CREBBP: variants seen among roughly 807,000 people sequenced by gnomAD.
The protein encoded by CREBBP is CREB binding lysine acetyltransferase.
A neutral mutation model predicts 265.0 loss-of-function variants in CREBBP; 19 were observed. The observed-to-expected ratio is 0.07, with a 90% CI of 0.05 to 0.11. The LOEUF (loss-of-function observed/expected upper bound fraction) is 0.11, where lower values mean the gene tolerates loss of function less well. Among genes scored for constraint, CREBBP ranks in the 10% least tolerant of loss-of-function variants. The pLI is 1.00. For missense variants in CREBBP, 2,525 were observed against 3,219.0 expected (o/e 0.78, Z 5.22); for synonymous variants, 1,457 against 1,223.7 (o/e 1.19, Z -3.98).
At chr16:3,860,770 G>A (rs1469954413) in intron 1 of CREBBP, among the ~76,000 whole-genome samples, 4 of 151,950 alleles carry the variant, frequency 2.6e-5, no homozygotes. Flanking sequence ...GAGAGTGGTG[G>A]AAGGATTCAC....
At chr16:3,803,354 A>T (rs1863359552) in intron 3 of CREBBP, among the ~76,000 whole-genome samples, 1 of 147,420 alleles carries the variant, frequency 6.8e-6, no homozygotes, top group Non-Finnish European at 1.5e-5. Context: ...AAAATACAAA[A>T]ATTAGCCAGG....
chr16:3,851,860 CA>C (rs1159688899), intron 1 of CREBBP, among the ~76,000 whole-genome samples: 537 of 28,962 alleles, frequency 0.019, 1 homozygote, highest in Non-Finnish European at 0.029. Flanking sequence ...GACTCCGTCT[CA>C]AAAAAAAAAA....
At chr16:3,859,736 T>C (rs1471050227) in intron 1 of CREBBP, among the ~76,000 whole-genome samples, 7 of 152,276 alleles carry the variant, frequency 4.6e-5, no homozygotes, top group Non-Finnish European at 7.4e-5. Flanking sequence ...AGTACAGGGT[T>C]CAGAGAGCTT....
intron 2 of CREBBP, among the ~76,000 whole-genome samples, chr16:3,831,941 G>C (rs1324579089): frequency 6.6e-6 from 1 of 151,868 alleles, no homozygotes; most frequent in African/African-American, 2.4e-5. Context: ...AGGCTGCAGT[G>C]AACTGAGATG....
At chr16:3,739,867 C>A in intron 24 of CREBBP, 143 bp from the exon 25 acceptor site, 1 of 1,132,224 alleles carries the variant, frequency 8.8e-7, no homozygotes, top group Middle Eastern at 2.1e-4. Flanking sequence ...TGGAGTCCTC[C>A]CTATGGGCCA....
chr16:3,735,504 G>A (rs964024366), intron 28 of CREBBP, among the ~76,000 whole-genome samples: 3 of 152,126 alleles, frequency 2.0e-5, no homozygotes, highest in Non-Finnish European at 2.9e-5. Context: ...CACTGTGTTA[G>A]CCAGGCTGGT....
intron 1 of CREBBP, among the ~76,000 whole-genome samples, chr16:3,873,725 A>G (rs1181975484): frequency 2.0e-4 from 31 of 152,132 alleles, no homozygotes; most frequent in Non-Finnish European, 1.5e-5. Context: ...ACTTGCCCCA[A>G]ACATGCTCTG....
intron 16 of CREBBP, among the ~76,000 whole-genome samples, chr16:3,765,941 C>T (rs1309290779): frequency 6.6e-6 from 1 of 152,124 alleles, no homozygotes; most frequent in Non-Finnish European, 1.5e-5. Flanking sequence ...ATCCTTCCCC[C>T]TCAGCCTCCC....
intron 2 of CREBBP, among the ~76,000 whole-genome samples, chr16:3,845,760 G>A (rs777751012): frequency 1.4e-4 from 22 of 151,878 alleles, no homozygotes; most frequent in Non-Finnish European, 2.8e-4. Flanking sequence ...GGTGATGCGC[G>A]CCTGTAGTCC....
At chr16:3,800,747 C>T (rs1250657929) in intron 3 of CREBBP, among the ~76,000 whole-genome samples, 4 of 152,068 alleles carry the variant, frequency 2.6e-5, no homozygotes, top group Admixed American at 2.6e-4. Flanking sequence ...AAATCAAAAA[C>T]ATTGAGAAAA....
At chr16:3,833,791 T>G (rs1335340926) in intron 2 of CREBBP, among the ~76,000 whole-genome samples, 1 of 152,168 alleles carries the variant, frequency 6.6e-6, no homozygotes, top group African/African-American at 2.4e-5. Context: ...TAAAATTGAC[T>G]TCATTAAAAT....
At chr16:3,767,194 C>T in intron 16 of CREBBP, 1 of 161,214 alleles carries the variant, frequency 6.2e-6, no homozygotes, top group East Asian at 1.8e-4. Flanking sequence ...CCTAACCTAC[C>T]CCTCCCCCAT....
chr16:3,757,254 T>G (rs758308853), intron 19 of CREBBP, 34 bp downstream of exon 19: 2 of 1,532,150 alleles, frequency 1.3e-6, no homozygotes, highest in South Asian at 2.3e-5. Flanking sequence ...TGCCTTGCCC[T>G]AAGACATAAT....
intron 21 of CREBBP, among the ~76,000 whole-genome samples, chr16:3,747,077 TCCCCCAGCAAGC>T (rs2052359376): frequency 6.6e-6 from 1 of 151,644 alleles, no homozygotes; most frequent in Non-Finnish European, 1.5e-5. Context: ...CTTCCCTCAG[TCCCCCAGCAAGC>T]CCCCCTGCCT....
At position 3,773,821 on chromosome 16, in the gene CREBBP, T is replaced by C. The variant is rs749642688; in HGVS notation, c.2393A>G (p.Gln798Arg). 1.9e-6 allele frequency: 3 copies of C among 1,613,074 alleles called. No homozygotes were observed. The highest frequency in any genetic ancestry group is 2.5e-6 in the Non-Finnish European group (3 of 1,180,014). ...PAQSQFLPQN[Q>R]FPSSSGAMSV... Reference sequence around the variant, plus strand: ...CATCGCCCCGCTGGATGACGGGAACTGGTTCTGTGGCAGAAACTGGCTCTG... The same window carrying C: ...CATCGCCCCGCTGGATGACGGGAACCGGTTCTGTGGCAGAAACTGGCTCTG... Residue 798 changes from glutamine to arginine, a missense_variant, in exon 13 of 31, where the codon CAG becomes CGG. By Grantham distance (43) the Gln-to-Arg change is conservative. Transcript: ENST00000262367.
intron 16 of CREBBP, among the ~76,000 whole-genome samples, chr16:3,766,092 G>A (rs1428388857): frequency 6.6e-6 from 1 of 151,888 alleles, no homozygotes; most frequent in Non-Finnish European, 1.5e-5. Flanking sequence ...GTCAACATAT[G>A]GAAAATCTGC....
In CREBBP at chr16:3,739,494, G is replaced by GGC. The variant is rs562231293; in HGVS notation, c.4280+82_4280+83dup. Reference sequence around the variant, plus strand: ...CTTTAATCCCCTATGAAGGCTCACAGGCTCCTCTGGGACACTTAAGAGCCC... The same window carrying GGC: ...CTTTAATCCCCTATGAAGGCTCACAGGCGCTCCTCTGGGACACTTAAGAGCCC... On this transcript the variant is annotated intron_variant, in intron 25 of 30. Coordinates refer to ENST00000262367, the MANE Select transcript of CREBBP (RefSeq NM_004380.3). The GGC allele has an allele frequency of 1.9e-4, 297 of 1,537,708 alleles. No homozygotes were observed. In the East Asian group the frequency reaches 6.2e-3, roughly 32 times the overall value.
At chr16:3,779,177 G>A (rs571334471) in intron 8 of CREBBP, among the ~76,000 whole-genome samples, 1,209 of 117,402 alleles carry the variant, frequency 0.01, 11 homozygotes, top group Middle Eastern at 0.043. Flanking sequence ...AAAAAAAGAA[G>A]AAAAAAAAAA....
chr16:3,806,342 C>T (rs1191602017), intron 3 of CREBBP, among the ~76,000 whole-genome samples: 3 of 152,112 alleles, frequency 2.0e-5, no homozygotes, highest in Admixed American at 2.0e-4. Context: ...AATTCTGAAA[C>T]TCAGTCACAA....
Sources: gnomAD v4.1 joint callset for allele counts (sites outside exome capture counted in the v4.1 genomes callset) on GRCh38, gnomAD v4.1.1 for gene constraint, MANE v1.5 for transcripts, NCBI Gene and HGNC (gene_info 2026-07-23, HGNC 2026-07-21) for gene names.